LRRTM4: variants seen among roughly 807,000 people sequenced by gnomAD.
The protein encoded by LRRTM4 is leucine-rich repeat transmembrane neuronal protein 4.
LRRTM4 carries 25 observed loss-of-function variants against 47.6 expected under a neutral mutation model. That is an observed-to-expected ratio of 0.53 (90% CI 0.38 to 0.73). LRRTM4 has a LOEUF of 0.73. Ranked by LOEUF, LRRTM4 falls within the 30% of genes least tolerant of loss-of-function variation. LRRTM4 has a pLI of 0.00. For synonymous variants in LRRTM4, 311 were observed against 269.5 expected (o/e 1.15, Z -1.51); for missense variants, 638 against 713.4 (o/e 0.89, Z 1.20).
intron 3 of LRRTM4, among the ~76,000 whole-genome samples, chr2:76,848,872 A>C (rs552360926): frequency 6.6e-6 from 1 of 152,222 alleles, no homozygotes; most frequent in East Asian, 1.9e-4. Context: ...GGGTTATGGA[A>C]GATTCTGGAA....
intron 3 of LRRTM4, among the ~76,000 whole-genome samples, chr2:77,049,481 C>A (rs191642206): frequency 3.0e-4 from 45 of 151,660 alleles, no homozygotes; most frequent in Middle Eastern, 3.4e-3. Flanking sequence ...TTAATAGCAG[C>A]CATTCTAGCT....
At chr2:77,088,618 C>G (rs1324545020) in intron 3 of LRRTM4, among the ~76,000 whole-genome samples, 1 of 152,174 alleles carries the variant, frequency 6.6e-6, no homozygotes. Flanking sequence ...GTGAAATAAA[C>G]AGCCATGTTG....
At chr2:77,022,307 G>T (rs947965977) in intron 3 of LRRTM4, among the ~76,000 whole-genome samples, 1 of 152,126 alleles carries the variant, frequency 6.6e-6, no homozygotes, top group African/African-American at 2.4e-5. Flanking sequence ...AATTATGGGA[G>T]TATAAATCAA....
intron 3 of LRRTM4, among the ~76,000 whole-genome samples, chr2:76,789,682 A>G (rs188141668): frequency 1.4e-4 from 22 of 152,204 alleles, no homozygotes; most frequent in Non-Finnish European, 1.2e-4. Context: ...ACAATCATGG[A>G]AAGACTCTGT....
intron 3 of LRRTM4, among the ~76,000 whole-genome samples, chr2:77,134,374 A>G (rs1671877916): frequency 6.6e-6 from 1 of 152,188 alleles, no homozygotes; most frequent in Non-Finnish European, 1.5e-5. Flanking sequence ...TTTGAGGTTG[A>G]TGACTCTGTC....
chr2:77,168,915 T>C (rs1672966583), intron 3 of LRRTM4, among the ~76,000 whole-genome samples: 1 of 152,164 alleles, frequency 6.6e-6, no homozygotes. Flanking sequence ...GATGCAAGGA[T>C]GGTTTAACAT....
chr2:77,475,751 CA>C (rs11297348), intron 3 of LRRTM4, among the ~76,000 whole-genome samples: 139,931 of 151,412 alleles, frequency 0.92, 64,696 homozygotes, highest in Middle Eastern at 0.93. Flanking sequence ...ACTAATCTGG[CA>C]AAAAAAAGAA....
intron 3 of LRRTM4, among the ~76,000 whole-genome samples, chr2:76,813,068 G>A (rs1670792832): frequency 6.6e-6 from 1 of 151,986 alleles, no homozygotes; most frequent in Admixed American, 6.6e-5. Flanking sequence ...GGAGACTGAG[G>A]CAGGACAATC....
At chr2:77,379,164 T>C (rs1021261587) in intron 3 of LRRTM4, among the ~76,000 whole-genome samples, 3 of 152,138 alleles carry the variant, frequency 2.0e-5, no homozygotes, top group Non-Finnish European at 4.4e-5. Context: ...ATTTTACCTA[T>C]TTTAGTTACT....
chr2:77,491,372 A>T lies in LRRTM4; in HGVS notation c.1551+26946T>A, dbSNP rs538778750. The stretch of plus-strand genomic sequence containing the variant: ...AAAGGAGGTAAAACAAAAAAAAATC[A>T]GATGGAAATTAGAAATGTCCCTGAG... On this transcript the variant is annotated intron_variant, in intron 3 of 3. Transcript: ENST00000409884. Among the ~76,000 whole-genome samples, 46 of 152,142 alleles carry T rather than the reference A, an allele frequency of 3.0e-4. 1 individual carries two copies. Among genetic ancestry groups the T allele is most frequent in the African/African-American group, 9.4e-4 (39 of 41,578 alleles).
intron 3 of LRRTM4, among the ~76,000 whole-genome samples, chr2:77,211,850 C>T: frequency 6.6e-6 from 1 of 151,964 alleles, no homozygotes. Context: ...TTAATTATTA[C>T]ATTATTATAT....
At chr2:77,017,870 C>T (rs564723048) in intron 3 of LRRTM4, among the ~76,000 whole-genome samples, 80 of 151,632 alleles carry the variant, frequency 5.3e-4, no homozygotes, top group African/African-American at 1.8e-3. Context: ...GCATAATCAC[C>T]CAAAAATTAT....
chr2:77,028,178 A>G (rs554147761), intron 3 of LRRTM4, among the ~76,000 whole-genome samples: 1 of 152,298 alleles, frequency 6.6e-6, no homozygotes, highest in African/African-American at 2.4e-5. Context: ...TCAAATCTAA[A>G]GTCCAAAGCA....
chr2:76,790,453 A>G (rs890204616), intron 3 of LRRTM4, among the ~76,000 whole-genome samples: 2 of 152,160 alleles, frequency 1.3e-5, no homozygotes, highest in African/African-American at 4.8e-5. Flanking sequence ...TTACCTTTCT[A>G]GCAGTATGAT....
intron 3 of LRRTM4, among the ~76,000 whole-genome samples, chr2:77,464,339 G>A (rs956712466): frequency 6.6e-6 from 1 of 151,904 alleles, no homozygotes; most frequent in African/African-American, 2.4e-5. Flanking sequence ...GTTTAAGACA[G>A]TACTGTCTAA....
intron 3 of LRRTM4, among the ~76,000 whole-genome samples, chr2:76,828,199 C>T (rs745545339): frequency 1.3e-5 from 2 of 151,872 alleles, no homozygotes; most frequent in Non-Finnish European, 2.9e-5. Flanking sequence ...TGCCTGATTG[C>T]CTAAGCATGC....
At chr2:77,031,638 G>A (rs1678659780) in intron 3 of LRRTM4, among the ~76,000 whole-genome samples, 1 of 152,086 alleles carries the variant, frequency 6.6e-6, no homozygotes, top group Non-Finnish European at 1.5e-5. Flanking sequence ...GTGATGACAT[G>A]CAGTCACATG....
chr2:77,470,402 T>G (rs1677143686), intron 3 of LRRTM4, among the ~76,000 whole-genome samples: 1 of 152,038 alleles, frequency 6.6e-6, no homozygotes, highest in Non-Finnish European at 1.5e-5. Context: ...ACAAAGCAAG[T>G]GTTTGAAAGC....
chr2:76,990,543 A>T (rs1406335604), intron 3 of LRRTM4, among the ~76,000 whole-genome samples: 1 of 151,806 alleles, frequency 6.6e-6, no homozygotes, highest in Non-Finnish European at 1.5e-5. Flanking sequence ...ATAGTAAAAA[A>T]GGAAAAGAAT....
Sources: allele counts gnomAD v4.1 joint callset (sites outside exome capture counted in the v4.1 genomes callset), GRCh38; gene constraint gnomAD v4.1.1; transcripts MANE v1.5; gene names NCBI Gene and HGNC (gene_info 2026-07-23, HGNC 2026-07-21).